Variants in THRB observed in about 807,000 individuals in gnomAD.
THRB encodes the protein nuclear receptor subfamily 1 group A member 2.
THRB carries 12 observed loss-of-function variants against 47.8 expected under a neutral mutation model. That is an observed-to-expected ratio of 0.25 (90% CI 0.16 to 0.41). THRB has a LOEUF of 0.41. THRB is among the 10% of genes least tolerant of loss of function. The probability of loss-of-function intolerance (pLI) is 1.00; values close to 1 mark genes in which losing one functional copy is unlikely to be tolerated. For synonymous variants in THRB, 218 were observed against 212.2 expected (o/e 1.03, Z -0.24); for missense variants, 348 against 589.2 (o/e 0.59, Z 4.24).
chr3:24,257,027 C>G (rs73148314), intron 3 of THRB, among the ~76,000 whole-genome samples: 2 of 152,188 alleles, frequency 1.3e-5, no homozygotes, highest in Non-Finnish European at 2.9e-5. Flanking sequence ...TCTGGGTTCT[C>G]GGTTGTGATA....
rs73823216 is a variant in THRB at position 24,163,436 on chromosome 3, A to C, written c.284-10946T>G. ...TTCCCCAGTGTTGGTTGAAGAAAAT[A>C]CAGTGAAAAGATAAAAGAGAAAAGA... On this transcript the variant is annotated intron_variant, in intron 5 of 10. Coordinates refer to ENST00000646209, the MANE Select transcript of THRB (RefSeq NM_001354712.2). Among the ~76,000 whole-genome samples the C allele has an allele frequency of 9.9e-3, 1,510 of 152,298 alleles. 19 individuals are homozygous for C. The highest frequency in any genetic ancestry group is 0.035 in the African/African-American group (1,436 of 41,568).
chr3:24,170,839 C>A (rs924769634), intron 5 of THRB, among the ~76,000 whole-genome samples: 1 of 151,706 alleles, frequency 6.6e-6, no homozygotes, highest in East Asian at 1.9e-4. Flanking sequence ...GGACTCTCTG[C>A]ACCAAAATCC....
intron 1 of THRB, among the ~76,000 whole-genome samples, chr3:24,403,432 A>G (rs2067580227): frequency 6.6e-6 from 1 of 152,000 alleles, no homozygotes; most frequent in African/African-American, 2.4e-5. Flanking sequence ...ACAGTTCTCA[A>G]TGTATCCGAG....
chr3:24,150,978 G>A (rs1241180159), intron 6 of THRB, among the ~76,000 whole-genome samples: 1 of 152,142 alleles, frequency 6.6e-6, no homozygotes, highest in East Asian at 1.9e-4. Context: ...CTGTCTGCAA[G>A]TCTCTAATTA....
intron 4 of THRB, among the ~76,000 whole-genome samples, chr3:24,212,327 G>A (rs1335259747): frequency 6.6e-6 from 1 of 152,170 alleles, no homozygotes; most frequent in Non-Finnish European, 1.5e-5. Context: ...GAACCTGGGA[G>A]GCGGAGGTTG....
chr3:24,149,063 C>T (rs551449023), intron 6 of THRB, among the ~76,000 whole-genome samples: 235 of 152,206 alleles, frequency 1.5e-3, no homozygotes, highest in African/African-American at 5.0e-3. Context: ...CAAATCTTGC[C>T]AAAGCATGAA....
intron 2 of THRB, among the ~76,000 whole-genome samples, chr3:24,329,065 G>A (rs753874253): frequency 6.6e-6 from 1 of 151,840 alleles, no homozygotes; most frequent in Non-Finnish European, 1.5e-5. Flanking sequence ...TTCCACCTCA[G>A]CCTCCCATGT....
Position 24,461,095 on chromosome 3 carries a change from A to G in THRB, c.-261+33557T>C, listed in dbSNP as rs1308311236. 3.9e-5 allele frequency among the ~76,000 whole-genome samples: 6 copies of G among 152,212 alleles called. No individual in the cohort carries two copies. In the East Asian group the frequency reaches 1.2e-3, roughly 29 times the overall value. On this transcript the variant is annotated intron_variant, in intron 1 of 10. Coordinates refer to ENST00000646209, the MANE Select transcript of THRB (RefSeq NM_001354712.2). ...GTACAGACTCTTAAATGGTTCTGCAATCCCTAAAAGGTCAAGAACCACTGC... is the reference window on the plus strand; with the variant it reads ...GTACAGACTCTTAAATGGTTCTGCAGTCCCTAAAAGGTCAAGAACCACTGC...
At chr3:24,200,238 C>T (rs1377656807) in intron 4 of THRB, among the ~76,000 whole-genome samples, 1 of 152,074 alleles carries the variant, frequency 6.6e-6, no homozygotes, top group Non-Finnish European at 1.5e-5. Context: ...TTCTTGATGC[C>T]AGTCTGAACC....
chr3:24,227,578 T>A (rs561718890), intron 4 of THRB, among the ~76,000 whole-genome samples: 2 of 152,146 alleles, frequency 1.3e-5, no homozygotes, highest in African/African-American at 4.8e-5. Flanking sequence ...TATCAGGAGC[T>A]CCAGTACGGG....
intron 2 of THRB, among the ~76,000 whole-genome samples, chr3:24,327,669 C>G (rs914169855): frequency 6.6e-6 from 1 of 152,126 alleles, no homozygotes; most frequent in African/African-American, 2.4e-5. Context: ...AATAAATAAA[C>G]TATATTTTAT....
chr3:24,449,384 G>C (rs2072420687), intron 1 of THRB, among the ~76,000 whole-genome samples: 1 of 152,260 alleles, frequency 6.6e-6, no homozygotes, highest in Admixed American at 6.5e-5. Context: ...AGGTCTGATG[G>C]CTGGTTGACA....
intron 1 of THRB, among the ~76,000 whole-genome samples, chr3:24,471,377 T>A (rs975383024): frequency 6.6e-6 from 1 of 152,210 alleles, no homozygotes; most frequent in Non-Finnish European, 1.5e-5. Context: ...GGAGCTTAAA[T>A]CTGCAATAGG....
intron 1 of THRB, among the ~76,000 whole-genome samples, chr3:24,404,213 G>T (rs894860749): frequency 6.6e-6 from 1 of 151,820 alleles, no homozygotes; most frequent in Admixed American, 6.6e-5. Flanking sequence ...TCAATGCATG[G>T]TATTACAAAA....
chr3:24,296,789 G>A (rs1299884109), intron 3 of THRB, among the ~76,000 whole-genome samples: 2 of 152,226 alleles, frequency 1.3e-5, no homozygotes, highest in Non-Finnish European at 2.9e-5. Context: ...CTTAAGGGAT[G>A]TCAGTTAAAT....
At chr3:24,313,264 C>T (rs2057883200) in intron 2 of THRB, among the ~76,000 whole-genome samples, 1 of 152,176 alleles carries the variant, frequency 6.6e-6, no homozygotes, top group African/African-American at 2.4e-5. Context: ...ATTGTCTGCA[C>T]CACTCATCTT....
chr3:24,289,946 T>C (rs1191644770), intron 3 of THRB, among the ~76,000 whole-genome samples: 1 of 152,188 alleles, frequency 6.6e-6, no homozygotes, highest in Non-Finnish European at 1.5e-5. Context: ...GTGTCTTTCA[T>C]GAAAAACCTC....
intron 1 of THRB, among the ~76,000 whole-genome samples, chr3:24,475,336 T>C (rs1377547714): frequency 2.0e-5 from 3 of 152,178 alleles, no homozygotes; most frequent in Non-Finnish European, 4.4e-5. Context: ...AATTTACTTA[T>C]TTAGAAATAA....
intron 1 of THRB, among the ~76,000 whole-genome samples, chr3:24,492,327 T>C (rs1439497137): frequency 6.6e-6 from 1 of 151,942 alleles, no homozygotes; most frequent in African/African-American, 2.4e-5. Context: ...ACAATTCAGA[T>C]TGCAAATACA....
Sources: gnomAD v4.1 joint callset for allele counts (sites outside exome capture counted in the v4.1 genomes callset) on GRCh38, gnomAD v4.1.1 for gene constraint, MANE v1.5 for transcripts, NCBI Gene and HGNC (gene_info 2026-07-23, HGNC 2026-07-21) for gene names.